Variants in NAALADL2 observed in about 807,000 individuals in gnomAD.
NAALADL2 encodes N-acetylated alpha-linked acidic dipeptidase like 2.
In NAALADL2, 76 loss-of-function variants were observed where a neutral mutation model predicts 87.2. The observed-to-expected ratio is 0.87, with a 90% CI of 0.72 to 1.05. The LOEUF is 1.05. Among genes scored for constraint, NAALADL2 ranks in the 50% least tolerant of loss-of-function variants. The pLI is 0.00. For missense variants in NAALADL2, 1,089 were observed against 945.8 expected, an observed-to-expected ratio of 1.15 and a Z score of -1.99; for synonymous variants, 354 against 331.0, an observed-to-expected ratio of 1.07 and a Z score of -0.75.
chr3:175,129,365 C>T (rs1184936556), intron 2 of NAALADL2, among the ~76,000 whole-genome samples: 1 of 152,092 alleles, frequency 6.6e-6, no homozygotes, highest in Non-Finnish European at 1.5e-5. Flanking sequence ...ACGTTATTAA[C>T]TATAGTCACT....
chr3:175,316,712 T>A (rs1560345602), intron 4 of NAALADL2, among the ~76,000 whole-genome samples: 2 of 152,292 alleles, frequency 1.3e-5, no homozygotes, highest in South Asian at 4.2e-4. Context: ...GAATGCATTT[T>A]AAAAAATATA....
At position 175,803,658 on chromosome 3, in the gene NAALADL2, A is replaced by C. The variant is rs1331786243; in HGVS notation, c.*455A>C. The C allele has an allele frequency of 6.5e-6, 1 of 152,756 alleles. No individual in the cohort carries two copies. The highest frequency in any genetic ancestry group is 2.4e-5 in the African/African-American group (1 of 41,432). The allele number at this position is 152,756 out of a possible 1,614,324, so 9.5% of individuals were successfully genotyped here. A position where few individuals can be genotyped will look rare whatever the true frequency, so the allele number is the denominator to read the frequency against. On this transcript the variant is annotated 3_prime_UTR_variant, in exon 14 of 14. Coordinates refer to ENST00000454872, the MANE Select transcript of NAALADL2 (RefSeq NM_207015.3). ...CACTATTAAGTGTTCAATATGAAGA[A>C]TTCAAGTATTCTGACTGAGTGATTG...
chr3:175,488,800 C>T (rs1294081556), intron 9 of NAALADL2, among the ~76,000 whole-genome samples: 1 of 152,112 alleles, frequency 6.6e-6, no homozygotes, highest in East Asian at 1.9e-4. Context: ...GACCAGAATC[C>T]CTTCCAGGAC....
intron 4 of NAALADL2, among the ~76,000 whole-genome samples, chr3:175,316,969 G>A (rs534743800): frequency 7.5e-4 from 114 of 152,250 alleles, no homozygotes; most frequent in African/African-American, 2.7e-3. Flanking sequence ...TGACAGCATT[G>A]AACAGGTGTT....
intron 2 of NAALADL2, among the ~76,000 whole-genome samples, chr3:174,731,935 G>A (rs779363619): frequency 6.6e-6 from 1 of 152,068 alleles, no homozygotes; most frequent in Non-Finnish European, 1.5e-5. Flanking sequence ...AGGTTTGTGG[G>A]CCAAATGGTC....
intron 1 of NAALADL2, among the ~76,000 whole-genome samples, chr3:174,473,138 A>G (rs1717008261): frequency 6.6e-6 from 1 of 152,184 alleles, no homozygotes; most frequent in Non-Finnish European, 1.5e-5. Context: ...CAAAATTTTC[A>G]TATTTGTAAG....
intron 2 of NAALADL2, among the ~76,000 whole-genome samples, chr3:174,703,921 A>G (rs1729814469): frequency 6.6e-6 from 1 of 152,180 alleles, no homozygotes; most frequent in Non-Finnish European, 1.5e-5. Context: ...AAATTTTTTC[A>G]GTCTGTGCAT....
At chr3:175,231,337 C>A (rs912624823) in intron 2 of NAALADL2, among the ~76,000 whole-genome samples, 2 of 151,804 alleles carry the variant, frequency 1.3e-5, no homozygotes, top group Non-Finnish European at 2.9e-5. Context: ...CTTTATACAT[C>A]GTATACGTTG....
At chr3:174,566,794 A>G (rs1391676186) in intron 2 of NAALADL2, among the ~76,000 whole-genome samples, 3 of 150,434 alleles carry the variant, frequency 2.0e-5, no homozygotes, top group Non-Finnish European at 4.4e-5. Context: ...TTTTATTTCT[A>G]AAAGTTCTGT....
At chr3:175,469,835 A>G (rs1405884471) in intron 8 of NAALADL2, among the ~76,000 whole-genome samples, 1 of 152,060 alleles carries the variant, frequency 6.6e-6, no homozygotes, top group Admixed American at 6.5e-5. Flanking sequence ...TAACATATAG[A>G]CAGTGTCTAT....
At chr3:175,305,103 A>G (rs1463130812) in intron 4 of NAALADL2, among the ~76,000 whole-genome samples, 1 of 152,074 alleles carries the variant, frequency 6.6e-6, no homozygotes, top group Non-Finnish European at 1.5e-5. Context: ...TCATTATTTT[A>G]TTATTAATTT....
intron 11 of NAALADL2, among the ~76,000 whole-genome samples, chr3:175,736,958 C>T (rs1462306558): frequency 6.6e-6 from 1 of 152,070 alleles, no homozygotes; most frequent in Non-Finnish European, 1.5e-5. Flanking sequence ...TTCCTCTTTA[C>T]TGTTTGTTTG....
chr3:174,457,704 A>G (rs903546834), intron 1 of NAALADL2, among the ~76,000 whole-genome samples: 7 of 152,046 alleles, frequency 4.6e-5, no homozygotes, highest in African/African-American at 1.5e-4. Flanking sequence ...TGCACCTGTA[A>G]TCTCAGCTAC....
intron 4 of NAALADL2, among the ~76,000 whole-genome samples, chr3:175,290,067 G>A (rs976106971): frequency 8.5e-5 from 13 of 152,214 alleles, no homozygotes; most frequent in Admixed American, 6.5e-4. Context: ...AAAAGGCTGT[G>A]TGATAAGAAT....
intron 5 of NAALADL2, among the ~76,000 whole-genome samples, chr3:175,413,293 C>T (rs1054795257): frequency 1.3e-5 from 2 of 150,446 alleles, no homozygotes; most frequent in East Asian, 2.0e-4. Flanking sequence ...AAAATTAGGC[C>T]GAGCGCGGTG....
intron 10 of NAALADL2, chr3:175,609,620 G>A (rs1000810792): frequency 6.6e-6 from 1 of 152,068 alleles, no homozygotes; most frequent in African/African-American, 2.4e-5. Context: ...GGGGACTATT[G>A]TTATAATGAA....
chr3:174,903,624 T>G (rs2108267456), intron 1 of NAALADL2, among the ~76,000 whole-genome samples: 1 of 152,112 alleles, frequency 6.6e-6, no homozygotes, highest in Non-Finnish European at 1.5e-5. Flanking sequence ...TAAATTTAAC[T>G]GGCATATGAA....
intron 5 of NAALADL2, among the ~76,000 whole-genome samples, chr3:175,435,031 T>G (rs1302182808): frequency 6.6e-6 from 1 of 152,016 alleles, no homozygotes; most frequent in Non-Finnish European, 1.5e-5. Flanking sequence ...ATGTTTAGAA[T>G]TATGTGGAGT....
chr3:175,300,054 T>G (rs2110210652), intron 4 of NAALADL2, among the ~76,000 whole-genome samples: 1 of 152,288 alleles, frequency 6.6e-6, no homozygotes, highest in Middle Eastern at 3.4e-3. Context: ...TCATGTGGTT[T>G]TTGTCATTGA....
Sources: allele counts gnomAD v4.1 joint callset (sites outside exome capture counted in the v4.1 genomes callset), GRCh38; gene constraint gnomAD v4.1.1; transcripts MANE v1.5; gene names NCBI Gene and HGNC (gene_info 2026-07-23, HGNC 2026-07-21).